Variants in RPRD1A observed in about 807,000 individuals in gnomAD.
RPRD1A encodes the protein regulation of nuclear pre-mRNA domain containing 1A.
A neutral mutation model predicts 37.8 loss-of-function variants in RPRD1A; 9 were observed. That is an observed-to-expected ratio of 0.24 (90% CI 0.14 to 0.42). The LOEUF (loss-of-function observed/expected upper bound fraction) is 0.42, where lower values mean the gene tolerates loss of function less well. RPRD1A is among the 10% of genes least tolerant of loss of function. RPRD1A has a pLI of 1.00. For synonymous variants in RPRD1A, 138 were observed against 139.7 expected, an observed-to-expected ratio of 0.99 and a Z score of 0.08; for missense variants, 255 against 371.0, an observed-to-expected ratio of 0.69 and a Z score of 2.57.
intron 6 of RPRD1A, chr18:36,025,608 A>T (rs1284562509): frequency 1.6e-6 from 2 of 1,284,958 alleles, no homozygotes; most frequent in Non-Finnish European, 2.0e-6. Context: ...TCAGGGTTTG[A>T]TATTTATTTT....
At position 35,993,002 on chromosome 18, in the gene RPRD1A, C is replaced by A; in HGVS notation, c.*149G>T. 1.6e-6 allele frequency: 1 copy of A among 616,884 alleles called. No homozygotes were observed. Among genetic ancestry groups the A allele is most frequent in the Non-Finnish European group, 2.5e-6 (1 of 407,936 alleles). The allele number at this position is 616,884 out of a possible 1,614,324, so 38.2% of individuals were successfully genotyped here. A position where few individuals can be genotyped will look rare whatever the true frequency, so the allele number is the denominator to read the frequency against. The stretch of plus-strand genomic sequence containing the variant: ...TTTACCAATAAAATAGTAAACAAAC[C>A]AACATTTTAAACAATTTTATAAATT... On this transcript the variant is annotated 3_prime_UTR_variant, in exon 7 of 7. Coordinates refer to ENST00000399022, the MANE Select transcript of RPRD1A (RefSeq NM_018170.5).
intron 6 of RPRD1A, chr18:36,025,785 C>T (rs1169308991): frequency 2.5e-6 from 1 of 398,638 alleles, no homozygotes; most frequent in South Asian, 2.5e-5. Context: ...AAACAATTAA[C>T]ACTATGTTTA....
At position 36,056,016 on chromosome 18, in the gene RPRD1A, TAAGAA is replaced by T. The variant is rs536503425; in HGVS notation, c.151+11233_151+11237del. Reference sequence around the variant, plus strand: ...CTCTTAAATCATCACCTGAAACCATTAAGAAAATACTAGAATATTTACTAACAAAC... The same window carrying T: ...CTCTTAAATCATCACCTGAAACCATTAATACTAGAATATTTACTAACAAAC... On this transcript the variant is annotated intron_variant, in intron 1 of 6. Transcript: ENST00000399022. 2.9e-3 allele frequency among the ~76,000 whole-genome samples: 444 copies of T among 152,250 alleles called. 4 individuals carry two copies. Among genetic ancestry groups the T allele is most frequent in the African/African-American group, 1.0e-2 (414 of 41,558 alleles).
intron 6 of RPRD1A, among the ~76,000 whole-genome samples, chr18:36,005,117 C>T (rs1335230627): frequency 1.3e-5 from 2 of 151,944 alleles, no homozygotes; most frequent in Non-Finnish European, 2.9e-5. Flanking sequence ...GTGGCTAACA[C>T]GGTGAAACCC....
intron 1 of RPRD1A, among the ~76,000 whole-genome samples, chr18:36,044,160 G>A (rs1397871188): frequency 6.6e-6 from 1 of 152,110 alleles, no homozygotes; most frequent in Non-Finnish European, 1.5e-5. Context: ...GGGGGAAGAG[G>A]AGCGGTTGGT....
chr18:36,007,521 T>C (rs1307843367), intron 6 of RPRD1A, among the ~76,000 whole-genome samples: 2 of 152,238 alleles, frequency 1.3e-5, no homozygotes, highest in African/African-American at 2.4e-5. Context: ...ACTGCTTCTT[T>C]ACATCTCACA....
At chr18:36,014,142 T>C (rs1203377298) in intron 6 of RPRD1A, among the ~76,000 whole-genome samples, 1 of 152,228 alleles carries the variant, frequency 6.6e-6, no homozygotes, top group Non-Finnish European at 1.5e-5. Context: ...AAAAAGCTTA[T>C]AAATTTCTAT....
At chr18:36,033,346 G>C (rs1027474886) in intron 2 of RPRD1A, among the ~76,000 whole-genome samples, 7 of 142,950 alleles carry the variant, frequency 4.9e-5, no homozygotes, top group Non-Finnish European at 9.1e-5. Flanking sequence ...AGTACTAAGT[G>C]TATATGGAAA....
At chr18:35,994,285 A>G (rs773981292) in intron 6 of RPRD1A, among the ~76,000 whole-genome samples, 1 of 152,188 alleles carries the variant, frequency 6.6e-6, no homozygotes, top group Non-Finnish European at 1.5e-5. Flanking sequence ...GGACCATCCT[A>G]GAGAGTGCAT....
At chr18:35,993,395 G>A in intron 6 of RPRD1A, 95 bp from the exon 7 acceptor site, 1 of 1,177,586 alleles carries the variant, frequency 8.5e-7, no homozygotes, top group Non-Finnish European at 1.2e-6. Flanking sequence ...TATATACTCA[G>A]TTAATGCCAT....
chr18:36,054,985 G>C (rs958139467), intron 1 of RPRD1A, among the ~76,000 whole-genome samples: 2 of 152,164 alleles, frequency 1.3e-5, no homozygotes, highest in Non-Finnish European at 2.9e-5. Flanking sequence ...ACACTAGGGA[G>C]GGCATCTGTT....
intron 6 of RPRD1A, among the ~76,000 whole-genome samples, chr18:36,004,813 G>C (rs899553944): frequency 1.3e-5 from 2 of 152,176 alleles, no homozygotes; most frequent in African/African-American, 2.4e-5. Flanking sequence ...TGAGGCAGGA[G>C]AATCACTTGA....
At chr18:36,016,247 A>C (rs1459575579) in intron 6 of RPRD1A, among the ~76,000 whole-genome samples, 1 of 152,064 alleles carries the variant, frequency 6.6e-6, no homozygotes, top group Non-Finnish European at 1.5e-5. Flanking sequence ...TTTGAGGCAG[A>C]GTTTCACTCT....
chr18:36,040,477 A>C (rs1912501090), intron 1 of RPRD1A, among the ~76,000 whole-genome samples: 1 of 152,214 alleles, frequency 6.6e-6, no homozygotes, highest in African/African-American at 2.4e-5. Context: ...AAAGAAGGGA[A>C]GACTTAAACT....
At position 36,031,099 on chromosome 18, in the gene RPRD1A, TAAAAAAA is replaced by T; in HGVS notation, c.282-9_282-3del. Reference sequence around the variant, plus strand: ...TTCTTACAACTTTCATCAGTTTCACTAAAAAAAAAAAAAAAGAAAAAAAGAAAAATGT... The same window carrying T: ...TTCTTACAACTTTCATCAGTTTCACTAAAAAAAAGAAAAAAAGAAAAATGT... On this transcript the variant is annotated splice_polypyrimidine_tract_variant and splice_region_variant and intron_variant, in intron 2 of 6. Transcript: ENST00000399022. The T allele has an allele frequency of 7.3e-7, 1 of 1,370,740 alleles. No individual in the cohort carries two copies. Among genetic ancestry groups the T allele is most frequent in the Non-Finnish European group, 9.4e-7 (1 of 1,060,808 alleles). 84.9% of individuals were successfully genotyped at this position (1,370,740 alleles called of 1,614,324 possible). A position where few individuals can be genotyped will look rare whatever the true frequency, so the allele number is the denominator to read the frequency against.
chr18:36,017,672 C>T (rs1021411586), intron 6 of RPRD1A, among the ~76,000 whole-genome samples: 22 of 152,308 alleles, frequency 1.4e-4, no homozygotes, highest in Admixed American at 5.9e-4. Flanking sequence ...TTGTTTTAAC[C>T]ATCAGAGTTC....
intron 6 of RPRD1A, among the ~76,000 whole-genome samples, chr18:36,000,556 A>C (rs1598595581): frequency 6.6e-6 from 1 of 152,164 alleles, no homozygotes; most frequent in South Asian, 2.1e-4. Flanking sequence ...AAAAACCGGT[A>C]ATGTTAAATT....
intron 6 of RPRD1A, among the ~76,000 whole-genome samples, chr18:36,003,081 C>T (rs1909524085): frequency 6.6e-6 from 1 of 152,200 alleles, no homozygotes; most frequent in African/African-American, 2.4e-5. Context: ...TATCCCTCCC[C>T]AGCTCTGATC....
chr18:36,042,695 C>CA (rs1453023703), intron 1 of RPRD1A, among the ~76,000 whole-genome samples: 5 of 152,104 alleles, frequency 3.3e-5, no homozygotes, highest in African/African-American at 1.2e-4. Context: ...ACAGGAAGTA[C>CA]AAAGAAACAC....
Sources: gnomAD v4.1 joint callset for allele counts (sites outside exome capture counted in the v4.1 genomes callset) on GRCh38, gnomAD v4.1.1 for gene constraint, MANE v1.5 for transcripts, NCBI Gene and HGNC (gene_info 2026-07-23, HGNC 2026-07-21) for gene names.